The following FGF17 variants were observed in gnomAD, a reference collection of about 807,000 sequenced individuals.
The protein encoded by FGF17 is fibroblast growth factor 17.
Under a neutral mutation model 23.5 loss-of-function variants are expected in FGF17, and 5 were observed. The ratio of observed to expected loss-of-function variants is 0.21; its 90% CI spans 0.11 to 0.45. The LOEUF is 0.45. Ranked by LOEUF, FGF17 falls within the 20% of genes least tolerant of loss-of-function variation. FGF17 has a pLI of 0.99. For synonymous variants in FGF17, 136 were observed against 123.0 expected (o/e 1.11, Z -0.70); for missense variants, 221 against 306.9 (o/e 0.72, Z 2.09).
chr8:22,044,498 G>A (rs974801901), intron 2 of FGF17: 26 of 163,522 alleles, frequency 1.6e-4, no homozygotes, highest in South Asian at 4.0e-4. Flanking sequence ...AGGGGGCTTC[G>A]GGGGGGCGCT....
rs1225155108 is a variant in FGF17, at chr8:22,046,299, T to C, written c.250+8T>C. The stretch of plus-strand genomic sequence containing the variant: ...AGGACGGCAACAAGTTTGGTGAGAG[T>C]TGGCCCTCCCCCCAGGGCACCCACA... On this transcript the variant is annotated splice_region_variant and intron_variant, in intron 3 of 4. Coordinates refer to ENST00000359441, the MANE Select transcript of FGF17 (RefSeq NM_003867.4). 1 of 1,611,522 alleles carries C rather than the reference T, an allele frequency of 6.2e-7. No individual in the cohort carries two copies. Among genetic ancestry groups the C allele is most frequent in the Non-Finnish European group, 8.5e-7 (1 of 1,178,516 alleles).
At chr8:22,045,398 T>C (rs1484812168) in intron 2 of FGF17, 1 of 989,562 alleles carries the variant, frequency 1.0e-6, no homozygotes, top group Non-Finnish European at 1.2e-6. Flanking sequence ...TGCTGTCCCA[T>C]AGTGCCCAGC....
At chr8:22,044,284 G>C (rs1028922080) in intron 2 of FGF17, among the ~76,000 whole-genome samples, 2 of 151,834 alleles carry the variant, frequency 1.3e-5, no homozygotes, top group Non-Finnish European at 2.9e-5. Context: ...CCCCTGGGAG[G>C]GGGGGCCAGC....
rs1078363 is a variant in FGF17, at chr8:22,046,701, T to C, written c.357+68T>C. ...TGGGGTGGGGACATATAGGGCATCA[T>C]GCTCCCCTCTCTCCTCTGAGCCACA... On this transcript the variant is annotated intron_variant, in intron 4 of 4. Transcript: ENST00000359441. 762,251 of 1,054,054 alleles carry C rather than the reference T, an allele frequency of 0.72. 276,624 individuals are homozygous for C. Among genetic ancestry groups the C allele is most frequent in the South Asian group, 0.81 (62,810 of 78,002 alleles). 65.3% of individuals were successfully genotyped at this position (1,054,054 alleles called of 1,614,324 possible).
At position 22,043,418 on chromosome 8, in the gene FGF17, C is replaced by T. The variant is rs373715717; in HGVS notation, c.72+237C>T. Among the ~76,000 whole-genome samples the T allele has an allele frequency of 3.2e-4, 48 of 152,346 alleles. 1 individual carries two copies. The highest frequency in any genetic ancestry group is 9.1e-4 in the Admixed American group (14 of 15,302). On this transcript the variant is annotated intron_variant, in intron 2 of 4. Transcript: ENST00000359441. Reference sequence around the variant, plus strand: ...GACCCTCCCCACTTCCCCTGGGTCTCTGCTCCTCTTCCTCCCTCTCCATCG... The same window carrying T: ...GACCCTCCCCACTTCCCCTGGGTCTTTGCTCCTCTTCCTCCCTCTCCATCG...
At chr8:22,040,791 T>G (rs894582433), upstream of FGF17, among the ~76,000 whole-genome samples, 1 of 152,192 alleles carries the variant, frequency 6.6e-6, no homozygotes, top group Non-Finnish European at 1.5e-5. Flanking sequence ...CCTCCACGTG[T>G]CTGTGCTCTC....
chr8:22,040,466 A>G (rs952761579), upstream of FGF17, among the ~76,000 whole-genome samples: 5 of 152,218 alleles, frequency 3.3e-5, no homozygotes, highest in African/African-American at 1.2e-4. Context: ...GCCCAACAGG[A>G]AGGGACAAGG....
At chr8:22,039,970 A>G (rs1232324408), upstream of FGF17, among the ~76,000 whole-genome samples, 1 of 152,076 alleles carries the variant, frequency 6.6e-6, no homozygotes, top group East Asian at 1.9e-4. Context: ...ACTTGGCACT[A>G]TGGGGTGAGG....
At chr8:22,046,931 A>G (rs1304571890) in intron 4 of FGF17, among the ~76,000 whole-genome samples, 5 of 148,902 alleles carry the variant, frequency 3.4e-5, no homozygotes, top group Non-Finnish European at 5.9e-5. Context: ...CTATAGGTGC[A>G]TGCCACCATG....
rs1800991458 is a variant in FGF17 at position 22,048,075 on chromosome 8, C to T, written c.477C>T (p.Pro159=). The part of the protein sequence containing the change: ...WFMAFTRQGR[P]RQASRSRQNQ... ...TGGCCTTCACGCGGCAGGGGCGGCC[C>T]CGCCAGGCTTCCCGCAGCCGCCAGA... Residue 159 remains proline (P), a synonymous_variant, in exon 5 of 5, where the codon CCC becomes CCT. Transcript: ENST00000359441. This position sits in a 1 kb window ranked among gnomAD's most constrained non-coding sequence, Gnocchi z 6.9. 3 of 1,612,740 alleles carry T rather than the reference C, an allele frequency of 1.9e-6. No homozygotes were observed. The highest frequency in any genetic ancestry group is 2.5e-6 in the Non-Finnish European group (3 of 1,179,774).
chr8:22,044,374 C>T (rs1412522397), intron 2 of FGF17, among the ~76,000 whole-genome samples: 4 of 151,428 alleles, frequency 2.6e-5, no homozygotes, highest in Non-Finnish European at 4.4e-5. Flanking sequence ...CCTCCCGCAG[C>T]GGGAACATGA....
At chr8:22,039,952 G>C (rs143766078), upstream of FGF17, among the ~76,000 whole-genome samples, 1 of 152,048 alleles carries the variant, frequency 6.6e-6, no homozygotes, top group Admixed American at 6.5e-5. Context: ...CCAGCTGGGG[G>C]GTGTTGAACT....
chr8:22,047,054 T>G (rs978340158), intron 4 of FGF17, among the ~76,000 whole-genome samples: 1 of 146,534 alleles, frequency 6.8e-6, no homozygotes, highest in South Asian at 2.1e-4. Context: ...CCCAAAGTGC[T>G]GGGATTACAG....
At chr8:22,040,218 C>G (rs927336807), upstream of FGF17, among the ~76,000 whole-genome samples, 2 of 152,218 alleles carry the variant, frequency 1.3e-5, no homozygotes, top group East Asian at 3.8e-4. Context: ...TCTCAGCTGA[C>G]GTGGATGGCG....
chr8:22,042,898 G>A lies in FGF17; in HGVS notation c.-31G>A, dbSNP rs1413351851. On this transcript the variant is annotated 5_prime_UTR_variant, in exon 1 of 5. Coordinates refer to ENST00000359441, the MANE Select transcript of FGF17 (RefSeq NM_003867.4). The stretch of plus-strand genomic sequence containing the variant: ...CATCTGCTCCTGAGCTTGGGGGCAG[G>A]GGGGCAACCGCCTGAGGAACCTCTC... 1 of 1,612,838 alleles carries A rather than the reference G, an allele frequency of 6.2e-7. No individual in the cohort carries two copies. The highest frequency in any genetic ancestry group is 1.3e-5 in the African/African-American group (1 of 75,040).
chr8:22,045,102 A>G, intron 2 of FGF17: 1 of 985,558 alleles, frequency 1.0e-6, no homozygotes, highest in Non-Finnish European at 1.2e-6. Context: ...GGAGGGGAAG[A>G]AGTACTCAGT....
At chr8:22,046,451 G>A in intron 3 of FGF17, 76 bp from the exon 4 acceptor site, 3 of 1,437,678 alleles carry the variant, frequency 2.1e-6, no homozygotes, top group Non-Finnish European at 2.9e-6. Flanking sequence ...GGTCAGTGTG[G>A]CTGGGTGGTC....
chr8:22,048,300 C>A lies in FGF17; in HGVS notation c.*51C>A. The A allele has an allele frequency of 7.0e-7, 1 of 1,437,166 alleles. No homozygotes were observed. The allele number at this position is 1,437,166 out of a possible 1,614,324, so 89.0% of individuals were successfully genotyped here. ...CTGGGCCGCCTCCCCACCCCTTTCC[C>A]TTCTTAATCCAAGGACTGGGCTGGG... On this transcript the variant is annotated 3_prime_UTR_variant, in exon 5 of 5. Transcript: ENST00000359441. This position sits in a 1 kb window ranked among gnomAD's most constrained non-coding sequence, Gnocchi z 6.9.
chr8:22,043,216 T>G, intron 2 of FGF17, 35 bp downstream of exon 2: 1 of 1,609,730 alleles, frequency 6.2e-7, no homozygotes, highest in South Asian at 1.1e-5. Flanking sequence ...TCCCCCAATT[T>G]TTCCACCCTA....
Sources: allele counts gnomAD v4.1 joint callset (sites outside exome capture counted in the v4.1 genomes callset), GRCh38; gene constraint gnomAD v4.1.1; non-coding constraint Gnocchi (gnomAD v3.1); transcripts MANE v1.5; gene names NCBI Gene and HGNC (gene_info 2026-07-23, HGNC 2026-07-21).